The following MICU1 variants were observed in gnomAD, a reference collection of about 807,000 sequenced individuals.
MICU1 encodes mitochondrial calcium uptake 1, also known as calcium uptake protein 1, mitochondrial.
Under a neutral mutation model 56.8 loss-of-function variants are expected in MICU1, and 45 were observed. That is an observed-to-expected ratio of 0.79 (90% confidence interval 0.62 to 1.02). The LOEUF is 1.02. Ranked by LOEUF, MICU1 falls within the 50% of genes least tolerant of loss-of-function variation. MICU1 has a pLI of 0.00. For synonymous variants in MICU1, 186 were observed against 195.1 expected, an observed-to-expected ratio of 0.95 and a Z score of 0.39; for missense variants, 504 against 587.1, an observed-to-expected ratio of 0.86 and a Z score of 1.46.
At chr10:72,511,330 T>C (rs1025200397) in intron 5 of MICU1, among the ~76,000 whole-genome samples, 2 of 152,174 alleles carry the variant, frequency 1.3e-5, no homozygotes, top group African/African-American at 4.8e-5. Flanking sequence ...TAATCCCGAA[T>C]GTTGAAATCC....
At chr10:72,437,867 A>G (rs1348614851) in intron 8 of MICU1, among the ~76,000 whole-genome samples, 1 of 152,236 alleles carries the variant, frequency 6.6e-6, no homozygotes, top group Non-Finnish European at 1.5e-5. Flanking sequence ...ATATATATGC[A>G]CCCAATACAG....
At chr10:72,405,095 G>C (rs1197179627) in intron 10 of MICU1, among the ~76,000 whole-genome samples, 3 of 151,964 alleles carry the variant, frequency 2.0e-5, no homozygotes, top group Non-Finnish European at 2.9e-5. Context: ...TTTAGTTACA[G>C]ATGGGGTTTC....
chr10:72,595,483 A>G (rs1045258956), intron 1 of MICU1, among the ~76,000 whole-genome samples: 8 of 151,304 alleles, frequency 5.3e-5, no homozygotes, highest in Non-Finnish European at 1.2e-4. Flanking sequence ...GAAAAAAAAA[A>G]AAGACCATAT....
At chr10:72,448,856 T>C (rs1201025027) in intron 8 of MICU1, among the ~76,000 whole-genome samples, 2 of 152,184 alleles carry the variant, frequency 1.3e-5, no homozygotes, top group Non-Finnish European at 1.5e-5. Flanking sequence ...ATTTGCAAGA[T>C]TTCTTTTACA....
chr10:72,487,477 C>T lies in MICU1; in HGVS notation c.653-10221G>A, dbSNP rs148177633. On this transcript the variant is annotated intron_variant, in intron 6 of 11. Coordinates refer to ENST00000361114, the MANE Select transcript of MICU1 (RefSeq NM_001195518.2). ...ACATGGCTTTACCAGCGTGTCCTGA[C>T]GACAAAGCACAAAGCAATGGCTACC... Among the ~76,000 whole-genome samples, 486 of 152,118 alleles carry T rather than the reference C, an allele frequency of 3.2e-3. 2 individuals are homozygous for T. The highest frequency in any genetic ancestry group is 0.011 in the African/African-American group (449 of 41,478).
intron 1 of MICU1, among the ~76,000 whole-genome samples, chr10:72,600,378 G>A (rs1346187287): frequency 6.6e-6 from 1 of 151,618 alleles, no homozygotes; most frequent in Non-Finnish European, 1.5e-5. Flanking sequence ...GCCAGGCACA[G>A]TGCCTCACAC....
At chr10:72,385,850 C>T (rs891793058) in intron 10 of MICU1, among the ~76,000 whole-genome samples, 3 of 152,176 alleles carry the variant, frequency 2.0e-5, no homozygotes, top group South Asian at 2.1e-4. Context: ...CAGACTGAGG[C>T]GAGAGATTCT....
chr10:72,409,570 A>G (rs917750521), intron 9 of MICU1, among the ~76,000 whole-genome samples: 30 of 152,340 alleles, frequency 2.0e-4, no homozygotes, highest in African/African-American at 5.5e-4. Flanking sequence ...ATGTGCCTAT[A>G]GTACCAGCTA....
At chr10:72,442,849 T>C (rs927340757) in intron 8 of MICU1, among the ~76,000 whole-genome samples, 4 of 152,084 alleles carry the variant, frequency 2.6e-5, no homozygotes, top group Admixed American at 2.0e-4. Context: ...CTCTGCCTCC[T>C]GGGTTCAAGT....
chr10:72,383,638 G>A (rs1280050905), intron 10 of MICU1, among the ~76,000 whole-genome samples: 1 of 152,086 alleles, frequency 6.6e-6, no homozygotes, highest in Non-Finnish European at 1.5e-5. Flanking sequence ...TTGAGAAGAA[G>A]GTACCTTTTC....
chr10:72,607,734 A>T (rs1841731534), intron 1 of MICU1, among the ~76,000 whole-genome samples: 1 of 151,814 alleles, frequency 6.6e-6, no homozygotes, highest in Non-Finnish European at 1.5e-5. Flanking sequence ...CCCAAGAAGG[A>T]GGTTGTGGGA....
At chr10:72,437,928 G>A (rs1164808807) in intron 8 of MICU1, among the ~76,000 whole-genome samples, 3 of 152,056 alleles carry the variant, frequency 2.0e-5, no homozygotes, top group African/African-American at 4.8e-5. Context: ...AAGAGACCTG[G>A]ACTCCCACAC....
intron 10 of MICU1, among the ~76,000 whole-genome samples, chr10:72,376,372 G>A (rs530218338): frequency 1.3e-5 from 2 of 151,916 alleles, no homozygotes; most frequent in South Asian, 2.1e-4. Context: ...CAGTTTAGGA[G>A]GTATATATAG....
At chr10:72,376,461 T>C (rs1323979097) in intron 10 of MICU1, among the ~76,000 whole-genome samples, 1 of 151,848 alleles carries the variant, frequency 6.6e-6, no homozygotes, top group Non-Finnish European at 1.5e-5. Flanking sequence ...CGAGGCAACA[T>C]GGCGAAACCC....
At chr10:72,490,089 A>T (rs1283984928) in intron 6 of MICU1, among the ~76,000 whole-genome samples, 1 of 152,232 alleles carries the variant, frequency 6.6e-6, no homozygotes, top group Non-Finnish European at 1.5e-5. Flanking sequence ...ATAGTGGGAA[A>T]GGAAGAAATT....
At chr10:72,573,320 A>AC (rs1409224931) in intron 1 of MICU1, among the ~76,000 whole-genome samples, 16 of 149,296 alleles carry the variant, frequency 1.1e-4, no homozygotes, top group African/African-American at 3.7e-4. Context: ...AAAAAAAAAA[A>AC]AAAAAAAAAA....
chr10:72,558,574 A>T (rs1355992300), intron 3 of MICU1, among the ~76,000 whole-genome samples: 2 of 152,128 alleles, frequency 1.3e-5, no homozygotes, highest in Non-Finnish European at 2.9e-5. Context: ...CTACCTAGAG[A>T]AAATGCTCAT....
At chr10:72,510,620 C>T (rs1341835438) in intron 5 of MICU1, among the ~76,000 whole-genome samples, 1 of 151,738 alleles carries the variant, frequency 6.6e-6, no homozygotes, top group Non-Finnish European at 1.5e-5. Context: ...AGTATTGATA[C>T]ACATACTATT....
chr10:72,386,080 T>C (rs1862878003), intron 10 of MICU1, among the ~76,000 whole-genome samples: 1 of 152,220 alleles, frequency 6.6e-6, no homozygotes, highest in South Asian at 2.1e-4. Flanking sequence ...AACACTGCGA[T>C]TTCATCCTTG....
Sources: gnomAD v4.1 joint callset for allele counts (sites outside exome capture counted in the v4.1 genomes callset) on GRCh38, gnomAD v4.1.1 for gene constraint, MANE v1.5 for transcripts, NCBI Gene and HGNC (gene_info 2026-07-23, HGNC 2026-07-21) for gene names.